Variants in DCAF6 observed in about 807,000 individuals in gnomAD.
The protein encoded by DCAF6 is DDB1- and CUL4-associated factor 6.
A neutral mutation model predicts 125.1 loss-of-function variants in DCAF6; 54 were observed. The ratio of observed to expected loss-of-function variants is 0.43; its 90% CI spans 0.35 to 0.54. DCAF6 has a LOEUF of 0.54. Ranked by LOEUF, DCAF6 falls within the 20% of genes least tolerant of loss-of-function variation. The pLI is 0.01. For missense variants in DCAF6, 934 were observed against 1,161.7 expected (o/e 0.80, Z 2.85); for synonymous variants, 371 against 390.4 (o/e 0.95, Z 0.58).
At chr1:167,974,695 G>T in intron 3 of DCAF6, 135 bp from the exon 4 acceptor site, 1 of 589,828 alleles carries the variant, frequency 1.7e-6, no homozygotes, top group Non-Finnish European at 2.6e-6. Flanking sequence ...AATTATAATA[G>T]CTTGCAGTCT....
chr1:167,921,951 T>C, the DCAF6 span, among the ~76,000 whole-genome samples: 1 of 152,242 alleles, frequency 6.6e-6, no homozygotes, highest in Admixed American at 6.5e-5. Flanking sequence ...TGATTAGTTA[T>C]GTGGTTTCAA....
chr1:167,933,737 A>ACG (rs1670979439), upstream of DCAF6, among the ~76,000 whole-genome samples: 1 of 152,222 alleles, frequency 6.6e-6, no homozygotes. Flanking sequence ...ATTTTATTCA[A>ACG]TACTCATCAG....
At chr1:167,985,136 C>T (rs942818810) in intron 4 of DCAF6, among the ~76,000 whole-genome samples, 4 of 151,968 alleles carry the variant, frequency 2.6e-5, no homozygotes, top group Non-Finnish European at 5.9e-5. Context: ...TCCCACAACA[C>T]GTGGCAATTC....
At chr1:168,063,916 A>G (rs549636527) in intron 18 of DCAF6, 157 bp downstream of exon 18, 15 of 625,128 alleles carry the variant, frequency 2.4e-5, no homozygotes, top group Non-Finnish European at 3.3e-5. Flanking sequence ...TTTTAGCCCT[A>G]TAATATATTG....
At chr1:168,039,652 T>C in intron 13 of DCAF6, among the ~76,000 whole-genome samples, 1 of 147,336 alleles carries the variant, frequency 6.8e-6, no homozygotes, top group South Asian at 2.1e-4. Flanking sequence ...GACAATATAT[T>C]AATTATTCAT....
Position 168,024,735 on chromosome 1 carries a change from C to T in DCAF6, c.1609+1688C>T, listed in dbSNP as rs542468250. ...AGGAGAATCGCTTGAACCTGGGAGG[C>T]GGAGGTTACAGTGAGCCGAGATTGC... On this transcript the variant is annotated intron_variant, in intron 12 of 21. Coordinates refer to ENST00000367840, the MANE Select transcript of DCAF6 (RefSeq NM_001198956.2). 2.0e-4 allele frequency among the ~76,000 whole-genome samples: 29 copies of T among 147,306 alleles called. No individual in the cohort carries two copies. The South Asian group carries it at 2.6e-3, about 13-fold the overall frequency.
intron 13 of DCAF6, among the ~76,000 whole-genome samples, chr1:168,040,168 A>G (rs1444376604): frequency 6.6e-6 from 1 of 152,004 alleles, no homozygotes; most frequent in Non-Finnish European, 1.5e-5. Flanking sequence ...TGAGCCACGT[A>G]TTTATATCTA....
At chr1:168,041,883 A>G (rs1223641237) in intron 13 of DCAF6, among the ~76,000 whole-genome samples, 2 of 125,572 alleles carry the variant, frequency 1.6e-5, no homozygotes, top group East Asian at 2.2e-4. Flanking sequence ...AAAGAAATAC[A>G]TGTTTGTCGC....
intron 16 of DCAF6, among the ~76,000 whole-genome samples, chr1:168,049,354 T>C (rs141268419): frequency 8.2e-4 from 125 of 151,548 alleles, no homozygotes; most frequent in African/African-American, 2.9e-3. Context: ...GCGATCTTCC[T>C]CCCTCAGTCT....
At chr1:167,869,450 A>T in the DCAF6 span, among the ~76,000 whole-genome samples, 3 of 152,278 alleles carry the variant, frequency 2.0e-5, no homozygotes, top group East Asian at 1.9e-4. Context: ...AGACCCTCTC[A>T]TATTGTTTTA....
Position 168,003,879 on chromosome 1 carries a change from G to A in DCAF6, c.1007G>A (p.Ser336Asn). Residue 336 changes from serine (S) to asparagine (N), a missense_variant, in exon 9 of 22, where the codon AGT (serine) becomes AAT (asparagine). By Grantham distance (46) the Ser-to-Asn change is conservative. Coordinates refer to ENST00000367840, the MANE Select transcript of DCAF6 (RefSeq NM_001198956.2). Reference protein sequence around the residue: ...ESERERDGEQSPNVSLMQRMS... With the variant: ...ESERERDGEQNPNVSLMQRMS... ...ACCTATATTGTAATAGGAGAGCAGA[G>A]TCCCAATGTGTCATTGATGCAGAGA... The A allele has an allele frequency of 6.2e-7, 1 of 1,610,358 alleles. No individual in the cohort carries two copies. The highest frequency in any genetic ancestry group is 8.5e-7 in the Non-Finnish European group (1 of 1,178,640).
chr1:167,978,605 AT>A (rs1210709707), intron 4 of DCAF6, among the ~76,000 whole-genome samples: 3 of 152,064 alleles, frequency 2.0e-5, no homozygotes, highest in Non-Finnish European at 2.9e-5. Flanking sequence ...TTTTGAAAAA[AT>A]ATCTTCTGCA....
the DCAF6 span, among the ~76,000 whole-genome samples, chr1:167,900,021 G>A: frequency 6.6e-6 from 1 of 152,112 alleles, no homozygotes; most frequent in African/African-American, 2.4e-5. Context: ...AATCCCTTAG[G>A]GTTGAATTTT....
At chr1:168,024,690 G>C (rs1297788101) in intron 12 of DCAF6, among the ~76,000 whole-genome samples, 1 of 151,820 alleles carries the variant, frequency 6.6e-6, no homozygotes, top group Non-Finnish European at 1.5e-5. Context: ...TGTAATCCTA[G>C]CTACTCAGGA....
the DCAF6 span, among the ~76,000 whole-genome samples, chr1:167,877,021 C>A: frequency 6.6e-6 from 1 of 151,984 alleles, no homozygotes; most frequent in Non-Finnish European, 1.5e-5. Context: ...AAGACAAGAT[C>A]AACCAAATCC....
chr1:167,871,726 A>C, the DCAF6 span, among the ~76,000 whole-genome samples: 4 of 152,380 alleles, frequency 2.6e-5, no homozygotes, highest in African/African-American at 9.6e-5. Context: ...TAGACATTTA[A>C]TAAAAAGAAG....
intron 10 of DCAF6, among the ~76,000 whole-genome samples, chr1:168,008,757 TTGA>T (rs1464213955): frequency 6.6e-6 from 1 of 151,966 alleles, no homozygotes; most frequent in African/African-American, 2.4e-5. Flanking sequence ...TTCTCAGTAC[TTGA>T]TGATTGTTAC....
the DCAF6 span, chr1:167,903,774 TG>T: frequency 1.3e-6 from 1 of 767,756 alleles, no homozygotes; most frequent in Non-Finnish European, 2.3e-6. Flanking sequence ...ACACATTTCA[TG>T]GGGAAGAGGA....
At chr1:167,961,863 G>C (rs1450027221) in intron 2 of DCAF6, among the ~76,000 whole-genome samples, 2 of 152,184 alleles carry the variant, frequency 1.3e-5, no homozygotes, top group African/African-American at 4.8e-5. Flanking sequence ...AATTTCCTCT[G>C]AGAACTACTT....
Sources: allele counts gnomAD v4.1 joint callset (sites outside exome capture counted in the v4.1 genomes callset), GRCh38; gene constraint gnomAD v4.1.1; transcripts MANE v1.5; gene names NCBI Gene and HGNC (gene_info 2026-07-23, HGNC 2026-07-21).